SDK1: variants seen among roughly 807,000 people sequenced by gnomAD.
SDK1 encodes the protein protein sidekick-1.
In SDK1, 157 loss-of-function variants were observed where a neutral mutation model predicts 245.5. The observed-to-expected ratio is 0.64, with a 90% CI of 0.56 to 0.73. The LOEUF is 0.73. Ranked by LOEUF, SDK1 falls within the 30% of genes least tolerant of loss-of-function variation. The pLI is 0.00. For synonymous variants in SDK1, 1,647 were observed against 1,278.5 expected, an observed-to-expected ratio of 1.29 and a Z score of -6.15; for missense variants, 3,583 against 3,002.3, an observed-to-expected ratio of 1.19 and a Z score of -4.52.
intron 1 of SDK1, among the ~76,000 whole-genome samples, chr7:3,307,042 A>T (rs892532776): frequency 6.6e-6 from 1 of 152,198 alleles, no homozygotes; most frequent in Non-Finnish European, 1.5e-5. Context: ...AAGGTGTAGT[A>T]TAAAGAAAAA....
intron 5 of SDK1, among the ~76,000 whole-genome samples, chr7:3,846,086 C>T (rs967780256): frequency 6.6e-5 from 10 of 152,092 alleles, no homozygotes; most frequent in Admixed American, 2.0e-4. Context: ...AAGGAAAGTG[C>T]GTCCCAGGAA....
chr7:4,115,893 G>A (rs1467777340), intron 25 of SDK1, among the ~76,000 whole-genome samples: 1 of 152,178 alleles, frequency 6.6e-6, no homozygotes, highest in East Asian at 1.9e-4. Context: ...GATGGGAAAT[G>A]GACAGAAAGA....
intron 1 of SDK1, among the ~76,000 whole-genome samples, chr7:3,397,760 T>C (rs1488636922): frequency 6.6e-6 from 1 of 152,092 alleles, no homozygotes; most frequent in African/African-American, 2.4e-5. Context: ...GTTTTTGCGG[T>C]TTTTAAAAAT....
At chr7:4,080,245 G>A (rs939225287) in intron 22 of SDK1, among the ~76,000 whole-genome samples, 6 of 152,234 alleles carry the variant, frequency 3.9e-5, no homozygotes, top group Non-Finnish European at 7.4e-5. Context: ...TCCGCCGAGA[G>A]ACTTCCGGTC....
At chr7:3,323,438 C>T (rs1779866823) in intron 1 of SDK1, among the ~76,000 whole-genome samples, 1 of 152,144 alleles carries the variant, frequency 6.6e-6, no homozygotes, top group Non-Finnish European at 1.5e-5. Flanking sequence ...AGTGTTTGGG[C>T]CATAAGATGT....
intron 17 of SDK1, among the ~76,000 whole-genome samples, chr7:4,017,742 C>T (rs547295111): frequency 7.9e-5 from 12 of 152,264 alleles, no homozygotes; most frequent in African/African-American, 2.9e-4. Context: ...TGATTATTCA[C>T]AGTTTTATTT....
chr7:4,254,505 A>G (rs1787510855), intron 44 of SDK1, among the ~76,000 whole-genome samples: 1 of 152,158 alleles, frequency 6.6e-6, no homozygotes, highest in South Asian at 2.1e-4. Context: ...ATATTCTTCA[A>G]TTGTCATCAT....
intron 44 of SDK1, among the ~76,000 whole-genome samples, chr7:4,262,018 C>CTT (rs34610558): frequency 0.098 from 5,807 of 59,290 alleles, 1,375 homozygotes; most frequent in Non-Finnish European, 0.14. Context: ...CTGCTTTCTC[C>CTT]TTTTTTTTTT....
At chr7:3,474,403 A>G (rs1334148711) in intron 1 of SDK1, among the ~76,000 whole-genome samples, 1 of 151,934 alleles carries the variant, frequency 6.6e-6, no homozygotes, top group Non-Finnish European at 1.5e-5. Flanking sequence ...CATCTCTACC[A>G]GATGTTTTAA....
intron 1 of SDK1, among the ~76,000 whole-genome samples, chr7:3,581,403 A>G (rs1027394172): frequency 6.6e-6 from 1 of 152,242 alleles, no homozygotes; most frequent in Non-Finnish European, 1.5e-5. Context: ...TAAAAGCTCA[A>G]TATCACTGAT....
chr7:3,774,832 C>A (rs999046553), intron 4 of SDK1, among the ~76,000 whole-genome samples: 4 of 152,210 alleles, frequency 2.6e-5, no homozygotes, highest in Non-Finnish European at 5.9e-5. Flanking sequence ...ATCCAGACAA[C>A]CATGATCCTA....
intron 1 of SDK1, among the ~76,000 whole-genome samples, chr7:3,419,973 T>C (rs1306176319): frequency 6.6e-6 from 1 of 152,144 alleles, no homozygotes; most frequent in Non-Finnish European, 1.5e-5. Context: ...TAGGTAATAA[T>C]GAGAAATGCA....
intron 1 of SDK1, among the ~76,000 whole-genome samples, chr7:3,531,136 C>G (rs1010287735): frequency 6.6e-6 from 1 of 152,106 alleles, no homozygotes; most frequent in Non-Finnish European, 1.5e-5. Flanking sequence ...GGACATGTTC[C>G]TGATTGTCAC....
At chr7:4,012,549 CTTTTTTTTTTTTTTTTTTTTTTTT>C (rs777199429) in intron 16 of SDK1, among the ~76,000 whole-genome samples, 474 of 25,988 alleles carry the variant, frequency 0.018, 10 homozygotes, top group African/African-American at 0.036. Flanking sequence ...CAATGTGAAG[CTTTTTTTTTTTTTTTTTTTTTTTT>C]TTTTTTTTTT....
rs187286590 is a variant in SDK1 at position 3,766,519 on chromosome 7, T to C, written c.714-54931T>C. 2.4e-3 allele frequency among the ~76,000 whole-genome samples: 368 copies of C among 152,300 alleles called. 2 individuals carry two copies. Among genetic ancestry groups the C allele is most frequent in the Non-Finnish European group, 3.0e-3 (206 of 68,022 alleles). On this transcript the variant is annotated intron_variant, in intron 4 of 44. Transcript: ENST00000404826. ...ATTGTACCTACTTAATACTACTAAG[T>C]GTACCTGGTTAATATGGTTTTTGTA... is the stretch of plus-strand genomic sequence containing the variant.
chr7:3,694,425 C>T (rs1300749827), intron 4 of SDK1, among the ~76,000 whole-genome samples: 1 of 152,156 alleles, frequency 6.6e-6, no homozygotes, highest in African/African-American at 2.4e-5. Flanking sequence ...CCACGCTTGG[C>T]AAGCGGGGAA....
At chr7:3,813,276 C>A (rs1455083675) in intron 4 of SDK1, among the ~76,000 whole-genome samples, 2 of 132,414 alleles carry the variant, frequency 1.5e-5, no homozygotes, top group South Asian at 2.7e-4. Flanking sequence ...CCCACCCCAC[C>A]ACAGTCCCCA....
At chr7:3,916,778 T>G (rs892429167) in intron 5 of SDK1, among the ~76,000 whole-genome samples, 2 of 152,220 alleles carry the variant, frequency 1.3e-5, no homozygotes, top group African/African-American at 4.8e-5. Flanking sequence ...TACCCTTCAT[T>G]TTACCTTCCA....
intron 5 of SDK1, among the ~76,000 whole-genome samples, chr7:3,828,066 T>C (rs1355751990): frequency 6.6e-6 from 1 of 152,084 alleles, no homozygotes; most frequent in Non-Finnish European, 1.5e-5. Flanking sequence ...TCACCTGAGG[T>C]CAGGAGTTTG....
Sources: allele counts gnomAD v4.1 joint callset (sites outside exome capture counted in the v4.1 genomes callset), GRCh38; gene constraint gnomAD v4.1.1; transcripts MANE v1.5; gene names NCBI Gene and HGNC (gene_info 2026-07-23, HGNC 2026-07-21).